Variants in CHST8 observed in about 807,000 individuals in gnomAD.
CHST8 encodes GALNAC-4-ST1.
A neutral mutation model predicts 15.0 loss-of-function variants in CHST8; 10 were observed. The ratio of observed to expected loss-of-function variants is 0.67; its 90% CI spans 0.41 to 1.13. CHST8 has a LOEUF of 1.13. Ranked by LOEUF, CHST8 falls within the 50% of genes most tolerant of loss-of-function variation. CHST8 has a pLI of 0.00. For missense variants in CHST8, 634 were observed against 608.2 expected, an observed-to-expected ratio of 1.04 and a Z score of -0.45; for synonymous variants, 259 against 256.6, an observed-to-expected ratio of 1.01 and a Z score of -0.09.
At chr19:33,746,912 A>G (rs975326548) in intron 3 of CHST8, among the ~76,000 whole-genome samples, 6 of 152,264 alleles carry the variant, frequency 3.9e-5, no homozygotes, top group African/African-American at 1.4e-4. Context: ...CTGCCAAGCA[A>G]TATGAATTCT....
chr19:33,757,464 A>G lies in CHST8; in HGVS notation c.131-13949A>G, dbSNP rs1568358517. ...AAAGAAAGAAAGAAAGAAAGAAAGA[A>G]AGAAAGAAAGAAAGAAAGAAAGAAA... On this transcript the variant is annotated intron_variant, in intron 3 of 4. Coordinates refer to ENST00000650847, the MANE Select transcript of CHST8 (RefSeq NM_001127895.2). Among the ~76,000 whole-genome samples, 185 of 41,746 alleles carry G rather than the reference A, an allele frequency of 4.4e-3. 9 individuals are homozygous for G. Among genetic ancestry groups the G allele is most frequent in the Non-Finnish European group, 6.5e-3 (129 of 19,978 alleles). 27.4% of individuals were successfully genotyped at this position (41,746 alleles called of 152,430 possible). A position where few individuals can be genotyped will look rare whatever the true frequency, so the allele number is the denominator to read the frequency against.
intron 3 of CHST8, among the ~76,000 whole-genome samples, chr19:33,705,797 G>T (rs1195637167): frequency 2.0e-5 from 3 of 152,156 alleles, no homozygotes; most frequent in Non-Finnish European, 2.9e-5. Flanking sequence ...GGACTCTGCA[G>T]ATTCGCCTTC....
intron 2 of CHST8, among the ~76,000 whole-genome samples, chr19:33,688,376 G>A (rs1038878144): frequency 2.5e-4 from 38 of 152,208 alleles, no homozygotes; most frequent in Non-Finnish European, 5.0e-4. Context: ...AGTGGCTGGA[G>A]CAGTTAGTGC....
At chr19:33,646,837 CCT>C (rs1972361553) in intron 1 of CHST8, among the ~76,000 whole-genome samples, 1 of 152,178 alleles carries the variant, frequency 6.6e-6, no homozygotes, top group Non-Finnish European at 1.5e-5. Flanking sequence ...ATTGCTTGAA[CCT>C]GGGAGGCGGG....
At chr19:33,628,986 G>A (rs1357321490) in intron 1 of CHST8, among the ~76,000 whole-genome samples, 1 of 152,168 alleles carries the variant, frequency 6.6e-6, no homozygotes, top group Non-Finnish European at 1.5e-5. Flanking sequence ...ACTGTGCTCT[G>A]AGCCCTTGGT....
intron 3 of CHST8, among the ~76,000 whole-genome samples, chr19:33,755,902 C>A (rs533355753): frequency 1.6e-4 from 25 of 152,274 alleles, no homozygotes; most frequent in African/African-American, 6.0e-4. Flanking sequence ...AATTGCAGGG[C>A]CTTTGGTGGA....
At chr19:33,727,330 TC>T (rs1445160080) in intron 3 of CHST8, among the ~76,000 whole-genome samples, 1 of 152,086 alleles carries the variant, frequency 6.6e-6, no homozygotes, top group African/African-American at 2.4e-5. Flanking sequence ...TGAACCAGCC[TC>T]CCGTGGTGGC....
chr19:33,637,458 A>G (rs1972220273), intron 1 of CHST8, among the ~76,000 whole-genome samples: 1 of 148,414 alleles, frequency 6.7e-6, no homozygotes, highest in Non-Finnish European at 1.5e-5. Context: ...GCTGGAGTGC[A>G]GTGGCGGGAT....
At chr19:33,669,361 T>C (rs1007324647) in intron 2 of CHST8, among the ~76,000 whole-genome samples, 10 of 152,202 alleles carry the variant, frequency 6.6e-5, no homozygotes, top group Non-Finnish European at 1.3e-4. Context: ...ATATCAAAGA[T>C]GGATTTATGT....
Position 33,690,268 on chromosome 19 carries a change from C to T in CHST8, c.130+877C>T, listed in dbSNP as rs535035004. ...AGACACCGCTCCTCTGCAGGGACAC[C>T]CACTCACTCTCTCTTGCTTGCTCAG... On this transcript the variant is annotated intron_variant, in intron 3 of 4. Coordinates refer to ENST00000650847, the MANE Select transcript of CHST8 (RefSeq NM_001127895.2). Among the ~76,000 whole-genome samples the T allele has an allele frequency of 4.1e-4, 63 of 152,264 alleles. No individual in the cohort carries two copies. The South Asian group carries it at 0.012, about 29-fold the overall frequency.
chr19:33,676,431 G>C (rs537485372), intron 2 of CHST8, among the ~76,000 whole-genome samples: 1 of 152,022 alleles, frequency 6.6e-6, no homozygotes, highest in Non-Finnish European at 1.5e-5. Flanking sequence ...TTAGCCAGAC[G>C]TGGTGGCACA....
intron 3 of CHST8, among the ~76,000 whole-genome samples, chr19:33,724,886 C>T (rs751295616): frequency 6.6e-6 from 1 of 152,204 alleles, no homozygotes; most frequent in Non-Finnish European, 1.5e-5. Flanking sequence ...GGGGGCCACA[C>T]CTCGGCACAC....
intron 1 of CHST8, among the ~76,000 whole-genome samples, chr19:33,644,082 G>T (rs1486484182): frequency 6.6e-6 from 1 of 152,038 alleles, no homozygotes; most frequent in African/African-American, 2.4e-5. Flanking sequence ...ACAGGCACCT[G>T]CCACCACACC....
chr19:33,721,365 A>G (rs1434525448), intron 3 of CHST8, among the ~76,000 whole-genome samples: 1 of 152,066 alleles, frequency 6.6e-6, no homozygotes, highest in Non-Finnish European at 1.5e-5. Context: ...CCTATCTCTG[A>G]ACACCCACAG....
intron 2 of CHST8, among the ~76,000 whole-genome samples, chr19:33,687,760 G>C (rs987182575): frequency 7.2e-5 from 11 of 152,348 alleles, no homozygotes; most frequent in Admixed American, 3.3e-4. Flanking sequence ...GGGGAGCAGG[G>C]AGAGTGCCTC....
At chr19:33,637,527 C>T (rs1422415032) in intron 1 of CHST8, among the ~76,000 whole-genome samples, 1 of 151,448 alleles carries the variant, frequency 6.6e-6, no homozygotes, top group South Asian at 2.1e-4. Flanking sequence ...CTCAGCCTTC[C>T]CAGCAGCTGG....
At chr19:33,713,507 A>G (rs1314284132) in intron 3 of CHST8, among the ~76,000 whole-genome samples, 2 of 152,010 alleles carry the variant, frequency 1.3e-5, no homozygotes, top group Non-Finnish European at 2.9e-5. Flanking sequence ...GCTCTCAGGC[A>G]AAACCTGAGT....
At chr19:33,696,322 G>T (rs952373349) in intron 3 of CHST8, among the ~76,000 whole-genome samples, 1 of 151,962 alleles carries the variant, frequency 6.6e-6, no homozygotes, top group Non-Finnish European at 1.5e-5. Context: ...TAAGGCAGGG[G>T]TCTCCAACCC....
At chr19:33,762,546 T>G (rs1004758213) in intron 3 of CHST8, among the ~76,000 whole-genome samples, 2 of 152,222 alleles carry the variant, frequency 1.3e-5, no homozygotes, top group Admixed American at 1.3e-4. Flanking sequence ...GACAGGAAGA[T>G]GCAGGCTCCG....
Sources: gnomAD v4.1 joint callset for allele counts (sites outside exome capture counted in the v4.1 genomes callset) on GRCh38, gnomAD v4.1.1 for gene constraint, MANE v1.5 for transcripts, NCBI Gene and HGNC (gene_info 2026-07-23, HGNC 2026-07-21) for gene names.